RHEB: variants seen among roughly 807,000 people sequenced by gnomAD.
The protein encoded by RHEB is Ras homolog, mTORC1 binding.
Under a neutral mutation model 28.8 loss-of-function variants are expected in RHEB, and 2 were observed. That is an observed-to-expected ratio of 0.07 (90% CI 0.03 to 0.22). The LOEUF is 0.22. Among genes scored for constraint, RHEB ranks in the 10% least tolerant of loss-of-function variants. The pLI is 1.00. For missense variants in RHEB, 76 were observed against 219.9 expected (o/e 0.35, Z 4.14); for synonymous variants, 69 against 77.3 (o/e 0.89, Z 0.56).
chr7:151,469,505 G>A (rs1470312318), intron 7 of RHEB, among the ~76,000 whole-genome samples: 2 of 127,644 alleles, frequency 1.6e-5, no homozygotes, highest in Non-Finnish European at 1.9e-5. Flanking sequence ...CAAGGCTGCT[G>A]GCGCCCGGCC....
At chr7:151,518,919 C>A (rs934596315) in intron 1 of RHEB, 11 of 152,228 alleles carry the variant, frequency 7.2e-5, no homozygotes, top group African/African-American at 2.7e-4. Flanking sequence ...GTTCAGTGCC[C>A]AAACGTCCTC....
At chr7:151,489,951 T>A (rs1338858454) in intron 2 of RHEB, among the ~76,000 whole-genome samples, 2 of 152,226 alleles carry the variant, frequency 1.3e-5, no homozygotes, top group Non-Finnish European at 2.9e-5. Context: ...CGGTGAAATA[T>A]GCTTCGTGTC....
At chr7:151,515,678 AC>A (rs1178188954) in intron 1 of RHEB, among the ~76,000 whole-genome samples, 1 of 152,252 alleles carries the variant, frequency 6.6e-6, no homozygotes, top group Non-Finnish European at 1.5e-5. Flanking sequence ...AAAAGTGTCA[AC>A]AAATGATAGG....
intron 2 of RHEB, among the ~76,000 whole-genome samples, chr7:151,485,550 C>T (rs958340732): frequency 6.6e-6 from 1 of 152,132 alleles, no homozygotes; most frequent in African/African-American, 2.4e-5. Context: ...CTTGCATACC[C>T]GCCCCAGCCA....
chr7:151,519,421 C>G, intron 1 of RHEB, 39 bp downstream of exon 1: 1 of 1,362,386 alleles, frequency 7.3e-7, no homozygotes, highest in Non-Finnish European at 9.6e-7. Flanking sequence ...GGCGAGGCCC[C>G]GGCGGCGCGA....
intron 3 of RHEB, among the ~76,000 whole-genome samples, chr7:151,483,600 C>T (rs1329488509): frequency 6.6e-6 from 1 of 152,132 alleles, no homozygotes; most frequent in Admixed American, 6.5e-5. Flanking sequence ...CCTGTAATCC[C>T]GGCTACTTGG....
At chr7:151,500,813 A>G (rs1802760056) in intron 1 of RHEB, among the ~76,000 whole-genome samples, 1 of 152,106 alleles carries the variant, frequency 6.6e-6, no homozygotes, top group South Asian at 2.1e-4. Flanking sequence ...ACGAAATCTC[A>G]TCTCTATAGA....
In RHEB at chr7:151,484,743, G is replaced by C. The variant is rs140516831; in HGVS notation, c.186C>G (p.Ala62=). The change falls in exon 3 of 8, where the codon GCC becomes GCG. Residue 62 remains alanine, a synonymous_variant. Transcript: ENST00000262187. ...GATACCAGAGGTCACTTACTTGCCC[G>C]GCTGTGTCTACAAGTTGAAGATGAT... ...QEYHLQLVDT[A]GQDEYSIFPQ... The C allele has an allele frequency of 1.2e-6, 2 of 1,608,654 alleles. No homozygotes were observed. Among genetic ancestry groups the C allele is most frequent in the East Asian group, 4.5e-5 (2 of 44,856 alleles).
rs1160714912 is a variant in RHEB at position 151,502,559 on chromosome 7, T to G, written c.53-11545A>C. On this transcript the variant is annotated intron_variant, in intron 1 of 7. Coordinates refer to ENST00000262187, the MANE Select transcript of RHEB (RefSeq NM_005614.4). ...CAAACCAATTAATACGTCATTGTATTGTGTGACAACAAATTCCATAAAGGG... is the reference window on the plus strand; with the variant it reads ...CAAACCAATTAATACGTCATTGTATGGTGTGACAACAAATTCCATAAAGGG... The G allele has an allele frequency of 2.8e-6, 3 of 1,085,142 alleles. No homozygotes were observed. In the African/African-American group the frequency reaches 4.6e-5, roughly 17 times the overall value. 67.2% of individuals were successfully genotyped at this position (1,085,142 alleles called of 1,614,324 possible). A position where few individuals can be genotyped will look rare whatever the true frequency, so the allele number is the denominator to read the frequency against.
intron 1 of RHEB, chr7:151,502,574 T>A: frequency 8.3e-7 from 1 of 1,199,858 alleles, no homozygotes; most frequent in South Asian, 1.2e-5. Context: ...GACAACAAAT[T>A]CCATAAAGGG....
chr7:151,503,317 T>A, intron 1 of RHEB: 1 of 829,142 alleles, frequency 1.2e-6, no homozygotes, highest in South Asian at 1.3e-5. Context: ...TGGAGCTATG[T>A]TGGAAATGAT....
At chr7:151,470,691 C>T in intron 6 of RHEB, 39 bp from the exon 7 acceptor site, 1 of 1,364,954 alleles carries the variant, frequency 7.3e-7, no homozygotes, top group Non-Finnish European at 1.0e-6. Context: ...GTACTTTGCT[C>T]TTCATTATAT....
chr7:151,470,343 G>T, intron 7 of RHEB: 1 of 346,692 alleles, frequency 2.9e-6, no homozygotes, highest in Non-Finnish European at 5.3e-6. Context: ...AATAGTTTCT[G>T]TTTATCCTAC....
chr7:151,470,124 G>C (rs1802134372), intron 7 of RHEB, among the ~76,000 whole-genome samples: 1 of 152,070 alleles, frequency 6.6e-6, no homozygotes, highest in Non-Finnish European at 1.5e-5. Context: ...ATGCTTATAA[G>C]ATGGTTCTTC....
chr7:151,489,929 C>A (rs905111558), intron 2 of RHEB, among the ~76,000 whole-genome samples: 3 of 152,212 alleles, frequency 2.0e-5, no homozygotes, highest in Non-Finnish European at 4.4e-5. Flanking sequence ...GATTCTCTTG[C>A]AAGCCTCCGG....
chr7:151,493,902 A>C (rs998928174), intron 1 of RHEB, among the ~76,000 whole-genome samples: 4 of 152,188 alleles, frequency 2.6e-5, no homozygotes, highest in Non-Finnish European at 4.4e-5. Context: ...GTAAAAAAAA[A>C]ACAAACTGTT....
intron 1 of RHEB, among the ~76,000 whole-genome samples, chr7:151,492,459 C>G (rs992892180): frequency 6.6e-6 from 1 of 151,506 alleles, no homozygotes; most frequent in African/African-American, 2.4e-5. Flanking sequence ...ACTAAAAATA[C>G]AAAAAAAGTT....
chr7:151,488,116 T>A (rs1802515403), intron 2 of RHEB, among the ~76,000 whole-genome samples: 1 of 152,230 alleles, frequency 6.6e-6, no homozygotes, highest in Non-Finnish European at 1.5e-5. Flanking sequence ...TGCTTGCTTT[T>A]TAGTTATAAA....
intron 6 of RHEB, among the ~76,000 whole-genome samples, 198 bp downstream of exon 6, chr7:151,471,196 T>A (rs966425867): frequency 5.9e-5 from 9 of 152,368 alleles, no homozygotes; most frequent in Admixed American, 5.9e-4. Context: ...TAAAGGTAGT[T>A]TCCTATAAAG....
Sources: allele counts gnomAD v4.1 joint callset (sites outside exome capture counted in the v4.1 genomes callset), GRCh38; gene constraint gnomAD v4.1.1; transcripts MANE v1.5; gene names NCBI Gene and HGNC (gene_info 2026-07-23, HGNC 2026-07-21).